SEC63: variants seen among roughly 807,000 people sequenced by gnomAD.
The protein encoded by SEC63 is translocation protein SEC63 homolog.
SEC63 carries 56 observed loss-of-function variants against 116.2 expected under a neutral mutation model. The ratio of observed to expected loss-of-function variants is 0.48; its 90% CI spans 0.39 to 0.60. SEC63 has a LOEUF of 0.60. SEC63 is among the 20% of genes least tolerant of loss of function. The pLI is 0.00. For synonymous variants in SEC63, 273 were observed against 294.6 expected (o/e 0.93, Z 0.75); for missense variants, 668 against 900.0 (o/e 0.74, Z 3.30).
At chr6:107,955,328 A>G (rs925295451) in intron 1 of SEC63, among the ~76,000 whole-genome samples, 31 of 152,062 alleles carry the variant, frequency 2.0e-4, no homozygotes, top group African/African-American at 6.3e-4. Flanking sequence ...ACTCCCAGCT[A>G]ACTTTTTGTA....
chr6:107,955,925 C>A lies in SEC63; in HGVS notation c.124+1961G>T, dbSNP rs181100308. ...AAATAAATAAATAAATAGTATGATT[C>A]TTCTATGAAATCAGGTGAATTTTAT... On this transcript the variant is annotated intron_variant, in intron 1 of 20. Coordinates refer to ENST00000369002, the MANE Select transcript of SEC63 (RefSeq NM_007214.5). 12 of 326,154 alleles carry A rather than the reference C, an allele frequency of 3.7e-5. No individual in the cohort carries two copies. The East Asian group carries it at 1.4e-3, about 39-fold the overall frequency. 20.2% of individuals were successfully genotyped at this position (326,154 alleles called of 1,614,324 possible).
In SEC63 at chr6:107,945,305, C is replaced by CTTT. The variant is rs59290085; in HGVS notation, c.124+12578_124+12580dup. On this transcript the variant is annotated intron_variant, in intron 1 of 20. Transcript: ENST00000369002. Reference sequence around the variant, plus strand: ...AAAATGTAAAGAATATCTTTCTTTTCTTTTTTTTTTTTTTGTTTTGAGACA... The same window carrying CTTT: ...AAAATGTAAAGAATATCTTTCTTTTCTTTTTTTTTTTTTTTTTGTTTTGAGACA... Among the ~76,000 whole-genome samples the CTTT allele has an allele frequency of 4.2e-4, 58 of 138,346 alleles. 1 individual carries two copies. The highest frequency in any genetic ancestry group is 1.4e-3 in the African/African-American group (51 of 36,552). The allele number at this position is 138,346 out of a possible 152,430, so 90.8% of individuals were successfully genotyped here. A position where few individuals can be genotyped will look rare whatever the true frequency, so the allele number is the denominator to read the frequency against.
chr6:107,873,289 C>A (rs1405674964), intron 19 of SEC63, among the ~76,000 whole-genome samples: 1 of 152,134 alleles, frequency 6.6e-6, no homozygotes, highest in Non-Finnish European at 1.5e-5. Context: ...ATAGGAGATA[C>A]TTCCTGCCAA....
At position 107,871,681 on chromosome 6, in the gene SEC63, C is replaced by T. The variant is rs758228757; in HGVS notation, c.*23G>A. The T allele has an allele frequency of 2.5e-6, 4 of 1,611,290 alleles. No individual in the cohort carries two copies. In the Admixed American group the frequency reaches 5.0e-5, roughly 20 times the overall value. The stretch of plus-strand genomic sequence containing the variant: ...AAAAAATTGCAAATATGTGCAAACA[C>T]TGTGGTCCATTCAGAGTACTGCTTA... On this transcript the variant is annotated 3_prime_UTR_variant, in exon 21 of 21. Transcript: ENST00000369002.
intron 1 of SEC63, among the ~76,000 whole-genome samples, chr6:107,940,350 TATATC>T (rs1157489591): frequency 6.6e-6 from 1 of 152,196 alleles, no homozygotes; most frequent in Non-Finnish European, 1.5e-5. Context: ...AGCATACAAT[TATATC>T]ATATATTATC....
rs1770751987 is a variant in SEC63, at chr6:107,958,102, C to G, written c.-93G>C. ...CAACGCCCCGGCCCGAGTGGCGTAG[C>G]TTGGACACTGCCGCCGCCGCCTCTC... On this transcript the variant is annotated 5_prime_UTR_variant, in exon 1 of 21. Coordinates refer to ENST00000369002, the MANE Select transcript of SEC63 (RefSeq NM_007214.5). 2 of 1,571,482 alleles carry G rather than the reference C, an allele frequency of 1.3e-6. No individual in the cohort carries two copies. The highest frequency in any genetic ancestry group is 8.7e-7 in the Non-Finnish European group (1 of 1,153,680).
intron 1 of SEC63, among the ~76,000 whole-genome samples, chr6:107,947,572 C>CA (rs1413151762): frequency 3.3e-5 from 5 of 151,430 alleles, no homozygotes; most frequent in Admixed American, 6.6e-5. Context: ...GATCCAGTCT[C>CA]AAAAAAAAAT....
At chr6:107,921,649 G>C in intron 4 of SEC63, 148 bp downstream of exon 4, 1 of 680,226 alleles carries the variant, frequency 1.5e-6, no homozygotes. Context: ...ATGGGGTCTT[G>C]GTATGTTGCC....
intron 1 of SEC63, among the ~76,000 whole-genome samples, chr6:107,948,135 G>A (rs1662346379): frequency 6.6e-6 from 1 of 152,024 alleles, no homozygotes; most frequent in South Asian, 2.1e-4. Context: ...TCCTCTGCAT[G>A]AAACACTTCC....
At chr6:107,955,001 A>G (rs1770682636) in intron 1 of SEC63, among the ~76,000 whole-genome samples, 1 of 152,248 alleles carries the variant, frequency 6.6e-6, no homozygotes. Context: ...CCTGAAGCAG[A>G]GAGCCGGATG....
intron 19 of SEC63, among the ~76,000 whole-genome samples, chr6:107,875,389 G>A (rs138356287): frequency 6.6e-6 from 1 of 152,238 alleles, no homozygotes; most frequent in Non-Finnish European, 1.5e-5. Flanking sequence ...CTTTTCAATA[G>A]GTTTTAAAAC....
At chr6:107,878,094 A>G (rs1235380798) in intron 18 of SEC63, among the ~76,000 whole-genome samples, 1 of 152,234 alleles carries the variant, frequency 6.6e-6, no homozygotes, top group Non-Finnish European at 1.5e-5. Flanking sequence ...GAAAAAAATA[A>G]GTGTGGCTGT....
Position 107,892,994 on chromosome 6 carries a change from A to G in SEC63, c.1674+488T>C, listed in dbSNP as rs79201264. 3.5e-3 allele frequency among the ~76,000 whole-genome samples: 534 copies of G among 152,282 alleles called. 5 individuals are homozygous for G. Among genetic ancestry groups the G allele is most frequent in the African/African-American group, 0.012 (517 of 41,562 alleles). ...AATGACTGCCCACAAAATGCCATGT[A>G]TAAGAATAAGCATAGCACCCTTTAT... On this transcript the variant is annotated intron_variant, in intron 16 of 20. Coordinates refer to ENST00000369002, the MANE Select transcript of SEC63 (RefSeq NM_007214.5).
Position 107,906,803 on chromosome 6 carries a change from GTAAA to G in SEC63, c.734-30_734-27del, listed in dbSNP as rs759324820. On this transcript the variant is annotated intron_variant, in intron 8 of 20. Coordinates refer to ENST00000369002, the MANE Select transcript of SEC63 (RefSeq NM_007214.5). ...CTAACAAAACAAAAGAAATATGAAGGTAAATAAATATGCTCATTCATTAATTCCC... is the reference window on the plus strand; with the variant it reads ...CTAACAAAACAAAAGAAATATGAAGGTAAATATGCTCATTCATTAATTCCC... 6 of 1,522,622 alleles carry G rather than the reference GTAAA, an allele frequency of 3.9e-6. No individual in the cohort carries two copies. The South Asian group carries it at 6.7e-5, about 17-fold the overall frequency. 94.3% of individuals were successfully genotyped at this position (1,522,622 alleles called of 1,614,324 possible). A position where few individuals can be genotyped will look rare whatever the true frequency, so the allele number is the denominator to read the frequency against.
chr6:107,904,998 C>CTA (rs796556004), intron 10 of SEC63, among the ~76,000 whole-genome samples: 66 of 152,294 alleles, frequency 4.3e-4, no homozygotes, highest in African/African-American at 1.5e-3. Flanking sequence ...TGGCTCACGC[C>CTA]TATAATCCCA....
At chr6:107,910,654 T>A (rs1004215679) in intron 7 of SEC63, among the ~76,000 whole-genome samples, 5 of 152,192 alleles carry the variant, frequency 3.3e-5, no homozygotes, top group Non-Finnish European at 7.3e-5. Context: ...GTCATACATT[T>A]ATACACATCT....
At chr6:107,949,420 T>C (rs1770537520) in intron 1 of SEC63, among the ~76,000 whole-genome samples, 1 of 151,982 alleles carries the variant, frequency 6.6e-6, no homozygotes, top group South Asian at 2.1e-4. Context: ...CATAGATCAC[T>C]TGGGCCCAGG....
chr6:107,916,396 A>G, intron 4 of SEC63, among the ~76,000 whole-genome samples: 1 of 152,268 alleles, frequency 6.6e-6, no homozygotes, highest in East Asian at 1.9e-4. Context: ...ATAGATAAAC[A>G]GCAAGCCACA....
In SEC63 at chr6:107,893,437, T is replaced by C. The variant is rs747049111; in HGVS notation, c.1674+45A>G. The stretch of plus-strand genomic sequence containing the variant: ...CGTAAGACTTGAACATTTTAGTTTG[T>C]ATATTTTAGCTTAATAATGATAATA... On this transcript the variant is annotated intron_variant, in intron 16 of 20. Transcript: ENST00000369002. 1.6e-5 allele frequency: 25 copies of C among 1,563,984 alleles called. No homozygotes were observed. The East Asian group carries it at 3.4e-4, about 21-fold the overall frequency.
Sources: allele counts gnomAD v4.1 joint callset (sites outside exome capture counted in the v4.1 genomes callset), GRCh38; gene constraint gnomAD v4.1.1; transcripts MANE v1.5; gene names NCBI Gene and HGNC (gene_info 2026-07-23, HGNC 2026-07-21).